CPEB2: variants seen among roughly 807,000 people sequenced by gnomAD.
CPEB2 encodes the protein cytoplasmic polyadenylation element binding protein 2.
A neutral mutation model predicts 93.6 loss-of-function variants in CPEB2; 56 were observed. The observed-to-expected ratio is 0.60, with a 90% CI of 0.48 to 0.75. CPEB2 has a LOEUF of 0.75. Among genes scored for constraint, CPEB2 ranks in the 30% least tolerant of loss-of-function variants. The pLI is 0.00. For missense variants in CPEB2, 1,579 were observed against 1,395.1 expected (o/e 1.13, Z -2.10); for synonymous variants, 764 against 586.3 (o/e 1.30, Z -4.38).
At chr4:15,041,595 G>GT (rs1560240901) in intron 6 of CPEB2, among the ~76,000 whole-genome samples, 1 of 151,930 alleles carries the variant, frequency 6.6e-6, no homozygotes, top group African/African-American at 2.4e-5. Flanking sequence ...TAGAGATGGA[G>GT]TTTCTCCATG....
intron 5 of CPEB2, among the ~76,000 whole-genome samples, chr4:15,036,370 C>T (rs763439423): frequency 1.3e-4 from 19 of 151,962 alleles, no homozygotes; most frequent in Middle Eastern, 3.2e-3. Context: ...TTGAAGAGTC[C>T]GTATTTAGCA....
At chr4:15,015,055 G>C (rs1723960311) in intron 3 of CPEB2, among the ~76,000 whole-genome samples, 2 of 152,042 alleles carry the variant, frequency 1.3e-5, no homozygotes, top group South Asian at 4.1e-4. Flanking sequence ...CCAGAGCCTA[G>C]AGAGATTTAG....
intron 11 of CPEB2, among the ~76,000 whole-genome samples, chr4:15,062,608 T>A (rs1162321628): frequency 6.6e-6 from 1 of 152,116 alleles, no homozygotes; most frequent in Non-Finnish European, 1.5e-5. Context: ...TAACCTTCTG[T>A]ATGCCTCTTT....
At chr4:15,012,777 A>G (rs1355997801) in intron 3 of CPEB2, among the ~76,000 whole-genome samples, 1 of 152,190 alleles carries the variant, frequency 6.6e-6, no homozygotes, top group East Asian at 1.9e-4. Flanking sequence ...CTAGTTAAGC[A>G]GAATAATACA....
chr4:15,018,099 G>A (rs1724378887), intron 4 of CPEB2, among the ~76,000 whole-genome samples: 1 of 151,808 alleles, frequency 6.6e-6, no homozygotes. Flanking sequence ...CAGAAATTCA[G>A]GAGCAGCTTA....
intron 6 of CPEB2, among the ~76,000 whole-genome samples, chr4:15,040,758 A>C (rs754936248): frequency 1.3e-5 from 2 of 152,168 alleles, no homozygotes; most frequent in Admixed American, 1.3e-4. Flanking sequence ...TCTTAAAATA[A>C]AGCTGCTGTT....
chr4:15,034,816 T>C (rs1726449809), intron 5 of CPEB2, among the ~76,000 whole-genome samples: 1 of 152,136 alleles, frequency 6.6e-6, no homozygotes, highest in South Asian at 2.1e-4. Flanking sequence ...ATATTAGGGA[T>C]TTAAATAATT....
intron 1 of CPEB2, 57 bp from the exon 2 acceptor site, chr4:15,007,236 AAATTTGAATTTG>A (rs1168936455): frequency 7.5e-7 from 1 of 1,332,442 alleles, no homozygotes; most frequent in African/African-American, 1.5e-5. Context: ...CTTAGGTCTG[AAATTTGAATTTG>A]AATTTGAATT....
chr4:15,038,585 CTT>C (rs369548599), intron 5 of CPEB2, among the ~76,000 whole-genome samples: 69 of 137,210 alleles, frequency 5.0e-4, no homozygotes, highest in Non-Finnish European at 2.4e-4. Context: ...GTAGTCTATT[CTT>C]TTTTTTTTTT....
In CPEB2 at chr4:15,002,955, G is replaced by T; in HGVS notation, c.282G>T (p.Gln94His). The change falls in exon 1 of 12, where the codon CAG (glutamine) becomes CAT (histidine). Residue 94 changes from glutamine to histidine, a missense_variant. Coordinates refer to ENST00000538197, the MANE Select transcript of CPEB2 (RefSeq NM_001177382.2). ...TCCTGGCGCATCAGCAGACCATGCA[G>T]GATGAGCTGCTTCTGGGGCTGACAC... ...SPFLAHQQTM[Q>H]DELLLGLTQQ... The T allele has an allele frequency of 2.0e-6, 3 of 1,514,876 alleles. No individual in the cohort carries two copies. The highest frequency in any genetic ancestry group is 1.4e-5 in the African/African-American group (1 of 70,738). The allele number at this position is 1,514,876 out of a possible 1,614,324, so 93.8% of individuals were successfully genotyped here.
At chr4:15,009,343 T>A (rs1448951438) in intron 3 of CPEB2, among the ~76,000 whole-genome samples, 1 of 152,214 alleles carries the variant, frequency 6.6e-6, no homozygotes, top group African/African-American at 2.4e-5. Flanking sequence ...TAGCATTAAT[T>A]TTGATAATCA....
chr4:15,061,467 C>A (rs1460185687), intron 10 of CPEB2, among the ~76,000 whole-genome samples: 1 of 151,722 alleles, frequency 6.6e-6, no homozygotes. Flanking sequence ...ATGCTACTTA[C>A]AGATAGATTG....
chr4:15,007,231 G>A lies in CPEB2; in HGVS notation c.1663-74G>A, dbSNP rs1722936194. ...ATATTTCATTCATATAAATTCTTAG[G>A]TCTGAAATTTGAATTTGAATTTGAA... On this transcript the variant is annotated intron_variant, in intron 1 of 11. Coordinates refer to ENST00000538197, the MANE Select transcript of CPEB2 (RefSeq NM_001177382.2). The A allele has an allele frequency of 3.2e-6, 4 of 1,254,726 alleles. No homozygotes were observed. The South Asian group carries it at 6.4e-5, about 20-fold the overall frequency. The allele number at this position is 1,254,726 out of a possible 1,614,324, so 77.7% of individuals were successfully genotyped here. A position where few individuals can be genotyped will look rare whatever the true frequency, so the allele number is the denominator to read the frequency against.
intron 6 of CPEB2, among the ~76,000 whole-genome samples, chr4:15,049,100 A>G (rs563633947): frequency 1.3e-5 from 2 of 152,164 alleles, no homozygotes; most frequent in African/African-American, 4.8e-5. Context: ...TTTTCGTTAC[A>G]TTCTTTGTTT....
chr4:15,018,341 T>G (rs985007604), intron 4 of CPEB2, among the ~76,000 whole-genome samples: 25 of 151,994 alleles, frequency 1.6e-4, no homozygotes, highest in African/African-American at 6.0e-4. Flanking sequence ...GTAAAAAGAA[T>G]TCCTTGTCTT....
intron 3 of CPEB2, among the ~76,000 whole-genome samples, 175 bp from the exon 4 acceptor site, chr4:15,017,013 T>C (rs1028998352): frequency 6.6e-6 from 1 of 151,996 alleles, no homozygotes; most frequent in African/African-American, 2.4e-5. Flanking sequence ...TGTCCTCCAA[T>C]GCAAGGAACA....
chr4:15,038,169 A>T (rs1418844588), intron 5 of CPEB2, among the ~76,000 whole-genome samples: 1 of 152,242 alleles, frequency 6.6e-6, no homozygotes, highest in Non-Finnish European at 1.5e-5. Context: ...AAAATTCCTC[A>T]GGTATGAGAT....
intron 6 of CPEB2, among the ~76,000 whole-genome samples, chr4:15,048,283 A>C (rs1316328864): frequency 2.0e-5 from 3 of 151,994 alleles, no homozygotes; most frequent in Admixed American, 1.3e-4. Flanking sequence ...AGTTTGTATA[A>C]AATTGCCATT....
At chr4:15,018,969 T>TATATATATATATATACAC (rs1479960595) in intron 4 of CPEB2, among the ~76,000 whole-genome samples, 1 of 139,192 alleles carries the variant, frequency 7.2e-6, no homozygotes, top group Non-Finnish European at 1.6e-5. Context: ...TATATATATA[T>TATATATATATATATACAC]ACACACGCAC....
Sources: allele counts gnomAD v4.1 joint callset (sites outside exome capture counted in the v4.1 genomes callset), GRCh38; gene constraint gnomAD v4.1.1; transcripts MANE v1.5; gene names NCBI Gene and HGNC (gene_info 2026-07-23, HGNC 2026-07-21).